CPQ: variants seen among roughly 807,000 people sequenced by gnomAD.
CPQ encodes the protein Ser-Met dipeptidase.
CPQ carries 37 observed loss-of-function variants against 45.7 expected under a neutral mutation model. The ratio of observed to expected loss-of-function variants is 0.81; its 90% confidence interval spans 0.62 to 1.07. The LOEUF (loss-of-function observed/expected upper bound fraction) is 1.07. Ranked by LOEUF, CPQ falls within the 50% of genes least tolerant of loss-of-function variation. The pLI, the probability that CPQ is intolerant of heterozygous loss-of-function variation, is 0.00. For missense variants in CPQ, 537 were observed against 572.9 expected (o/e 0.94, Z 0.64); for synonymous variants, 186 against 205.8 (o/e 0.90, Z 0.82).
chr8:96,742,846 C>T (rs545643817), intron 1 of CPQ, among the ~76,000 whole-genome samples: 49 of 152,306 alleles, frequency 3.2e-4, no homozygotes, highest in African/African-American at 1.1e-3. Context: ...GAGAGATCTG[C>T]TGTTAGTCTG....
At chr8:96,734,328 C>A (rs1037834193) in intron 1 of CPQ, among the ~76,000 whole-genome samples, 1 of 152,162 alleles carries the variant, frequency 6.6e-6, no homozygotes, top group African/African-American at 2.4e-5. Context: ...ACAGGCTTCC[C>A]ACATCCTCTT....
At chr8:97,095,351 A>G (rs1307765841) in intron 7 of CPQ, among the ~76,000 whole-genome samples, 1 of 152,166 alleles carries the variant, frequency 6.6e-6, no homozygotes, top group Non-Finnish European at 1.5e-5. Flanking sequence ...ATTGACTTAG[A>G]CTTATTTTCC....
intron 4 of CPQ, among the ~76,000 whole-genome samples, chr8:96,887,982 G>A (rs1450540497): frequency 6.6e-6 from 1 of 152,150 alleles, no homozygotes; most frequent in Admixed American, 6.5e-5. Context: ...ACTCTAGTTT[G>A]TTAACTGAAC....
At chr8:97,139,687 T>G (rs188424033) in intron 7 of CPQ, among the ~76,000 whole-genome samples, 1 of 152,014 alleles carries the variant, frequency 6.6e-6, no homozygotes. Flanking sequence ...TATTTAGAAC[T>G]GAATTGTCAT....
Position 97,064,917 on chromosome 8 carries a change from G to C in CPQ, c.1054-1092G>C, listed in dbSNP as rs188410951. On this transcript the variant is annotated intron_variant, in intron 6 of 7. Transcript: ENST00000220763. ...CCAGCTGTATGACATTGAGCAAATCGCTTGACCTCCCTGATTGTCAGATCC... is the reference window on the plus strand; with the variant it reads ...CCAGCTGTATGACATTGAGCAAATCCCTTGACCTCCCTGATTGTCAGATCC... Among the ~76,000 whole-genome samples, 254 of 152,254 alleles carry C rather than the reference G, an allele frequency of 1.7e-3. 3 individuals carry two copies. The highest frequency in any genetic ancestry group is 0.013 in the Admixed American group (196 of 15,270).
chr8:96,907,214 C>T (rs1465548191), intron 4 of CPQ, among the ~76,000 whole-genome samples: 2 of 152,088 alleles, frequency 1.3e-5, no homozygotes, highest in Non-Finnish European at 2.9e-5. Context: ...GTAGTCATTG[C>T]CTGATGAGTA....
At chr8:97,014,659 A>T (rs1343402245) in intron 5 of CPQ, among the ~76,000 whole-genome samples, 1 of 151,274 alleles carries the variant, frequency 6.6e-6, no homozygotes, top group African/African-American at 2.4e-5. Flanking sequence ...AAAAAAAAAA[A>T]GGATTAGTAC....
chr8:97,113,033 G>C (rs1434244433), intron 7 of CPQ, among the ~76,000 whole-genome samples: 1 of 152,170 alleles, frequency 6.6e-6, no homozygotes, highest in East Asian at 1.9e-4. Flanking sequence ...TGCTGCCCTG[G>C]GAGTGGGTTA....
intron 5 of CPQ, among the ~76,000 whole-genome samples, chr8:97,015,158 G>C (rs1161930374): frequency 6.6e-6 from 1 of 152,026 alleles, no homozygotes; most frequent in Non-Finnish European, 1.5e-5. Flanking sequence ...CTTTAAAATT[G>C]TACTGTTGTT....
At chr8:96,670,292 T>C (rs1204332877) in intron 1 of CPQ, among the ~76,000 whole-genome samples, 2 of 151,742 alleles carry the variant, frequency 1.3e-5, no homozygotes, top group African/African-American at 4.8e-5. Context: ...GCTAGGAACA[T>C]GTGTATGGAG....
chr8:97,085,175 G>A (rs1370848800), intron 7 of CPQ, among the ~76,000 whole-genome samples: 1 of 151,986 alleles, frequency 6.6e-6, no homozygotes, highest in Non-Finnish European at 1.5e-5. Context: ...CCTGAGCCTA[G>A]GAGTTCAAGA....
At chr8:96,865,744 T>A (rs752243036) in intron 3 of CPQ, among the ~76,000 whole-genome samples, 1 of 152,044 alleles carries the variant, frequency 6.6e-6, no homozygotes, top group Non-Finnish European at 1.5e-5. Context: ...AAATTTTTTC[T>A]AAACTCAAGT....
chr8:97,100,388 G>GAA (rs1380753864), intron 7 of CPQ, among the ~76,000 whole-genome samples: 4 of 152,082 alleles, frequency 2.6e-5, no homozygotes, highest in Admixed American at 2.0e-4. Context: ...AGAGAGGAGC[G>GAA]GGCAAACCAG....
chr8:96,656,722 C>T (rs1300366897), intron 1 of CPQ, among the ~76,000 whole-genome samples: 3 of 152,306 alleles, frequency 2.0e-5, no homozygotes, highest in Admixed American at 6.5e-5. Context: ...TCTAAAGACT[C>T]AAAGCAGGCT....
intron 7 of CPQ, among the ~76,000 whole-genome samples, chr8:97,096,157 T>C (rs546256700): frequency 6.6e-6 from 1 of 152,310 alleles, no homozygotes; most frequent in South Asian, 2.1e-4. Context: ...ATCTTATTAA[T>C]GATTTCATTT....
At chr8:96,843,152 C>T (rs1383822005) in intron 3 of CPQ, among the ~76,000 whole-genome samples, 1 of 152,126 alleles carries the variant, frequency 6.6e-6, no homozygotes, top group Non-Finnish European at 1.5e-5. Flanking sequence ...GGTGATCTGC[C>T]CGCCTTGGCT....
chr8:97,137,233 G>A (rs1284178930), intron 7 of CPQ, among the ~76,000 whole-genome samples: 1 of 152,196 alleles, frequency 6.6e-6, no homozygotes, highest in Non-Finnish European at 1.5e-5. Flanking sequence ...AGAGGGCATG[G>A]ACAAATATTT....
intron 1 of CPQ, among the ~76,000 whole-genome samples, chr8:96,650,636 C>T (rs1316104203): frequency 1.3e-5 from 2 of 152,174 alleles, no homozygotes; most frequent in Non-Finnish European, 2.9e-5. Context: ...GAACCTTGGC[C>T]TTCTGCAGTG....
At chr8:96,812,898 TA>T (rs544223840) in intron 2 of CPQ, among the ~76,000 whole-genome samples, 287 of 145,302 alleles carry the variant, frequency 2.0e-3, no homozygotes, top group Middle Eastern at 3.5e-3. Flanking sequence ...CATTCCTGTT[TA>T]AAAAAAAAAA....
Sources: gnomAD v4.1 joint callset for allele counts (sites outside exome capture counted in the v4.1 genomes callset) on GRCh38, gnomAD v4.1.1 for gene constraint, MANE v1.5 for transcripts, NCBI Gene and HGNC (gene_info 2026-07-23, HGNC 2026-07-21) for gene names.